ASPH: variants seen among roughly 807,000 people sequenced by gnomAD.
ASPH encodes aspartyl/asparaginyl beta-hydroxylase.
ASPH carries 100 observed loss-of-function variants against 118.4 expected under a neutral mutation model. The observed-to-expected ratio is 0.84, with a 90% CI of 0.72 to 1.00. ASPH has a LOEUF of 1.00. Ranked by LOEUF, ASPH falls within the 50% of genes least tolerant of loss-of-function variation. The pLI is 0.00. For synonymous variants in ASPH, 315 were observed against 325.6 expected, an observed-to-expected ratio of 0.97 and a Z score of 0.35; for missense variants, 920 against 919.5, an observed-to-expected ratio of 1.00 and a Z score of -0.01.
chr8:61,662,184 TAAC>T (rs1228132429), intron 3 of ASPH, among the ~76,000 whole-genome samples: 4 of 152,170 alleles, frequency 2.6e-5, no homozygotes, highest in Non-Finnish European at 4.4e-5. Flanking sequence ...GACTATCTCT[TAAC>T]AATGATTTTG....
At chr8:61,571,661 A>G (rs1360228395) in intron 16 of ASPH, among the ~76,000 whole-genome samples, 2 of 152,336 alleles carry the variant, frequency 1.3e-5, no homozygotes, top group South Asian at 2.1e-4. Flanking sequence ...CTGTAAATAT[A>G]ACAATCACAC....
chr8:61,668,399 T>C lies in ASPH; in HGVS notation c.322+12569A>G, dbSNP rs536450213. On this transcript the variant is annotated intron_variant, in intron 3 of 24. Transcript: ENST00000379454. Reference sequence around the variant, plus strand: ...AAATATGTTAAGTTAGTTAAATTCATCATTAAAAAATACTCCAATATCTCT... The same window carrying C: ...AAATATGTTAAGTTAGTTAAATTCACCATTAAAAAATACTCCAATATCTCT... 3 of 732,740 alleles carry C rather than the reference T, an allele frequency of 4.1e-6. No homozygotes were observed. The African/African-American group carries it at 5.5e-5, about 13-fold the overall frequency. The allele number at this position is 732,740 out of a possible 1,614,324, so 45.4% of individuals were successfully genotyped here.
chr8:61,510,861 A>G (rs1049615748), intron 24 of ASPH, among the ~76,000 whole-genome samples: 2 of 152,236 alleles, frequency 1.3e-5, no homozygotes, highest in African/African-American at 4.8e-5. Flanking sequence ...GGATAAGGTC[A>G]CACTGCAATG....
At chr8:61,558,815 G>C (rs1449838520) in intron 18 of ASPH, among the ~76,000 whole-genome samples, 1 of 152,172 alleles carries the variant, frequency 6.6e-6, no homozygotes, top group Non-Finnish European at 1.5e-5. Flanking sequence ...AAAAAACCCA[G>C]ATTGAGGCTA....
intron 1 of ASPH, among the ~76,000 whole-genome samples, chr8:61,702,949 G>C (rs1001746528): frequency 1.3e-5 from 2 of 152,106 alleles, no homozygotes; most frequent in African/African-American, 4.8e-5. Flanking sequence ...AGGGGGAGAG[G>C]ATAGGAGAGG....
chr8:61,504,608 G>A (rs1805712328), intron 24 of ASPH, among the ~76,000 whole-genome samples: 1 of 152,154 alleles, frequency 6.6e-6, no homozygotes, highest in African/African-American at 2.4e-5. Context: ...ATCATTCTCT[G>A]TTGTAGGGGC....
At chr8:61,612,101 C>T (rs949283712) in intron 14 of ASPH, among the ~76,000 whole-genome samples, 1 of 148,760 alleles carries the variant, frequency 6.7e-6, no homozygotes, top group Non-Finnish European at 1.5e-5. Flanking sequence ...TAGAAAAATA[C>T]TTCAAATTGT....
chr8:61,646,323 CA>C (rs984482498), intron 6 of ASPH, among the ~76,000 whole-genome samples: 1 of 151,800 alleles, frequency 6.6e-6, no homozygotes. Context: ...TGGCTATTTA[CA>C]AAAAAAAGTT....
chr8:61,708,408 T>C (rs992376258), intron 1 of ASPH, among the ~76,000 whole-genome samples: 1 of 152,198 alleles, frequency 6.6e-6, no homozygotes, highest in African/African-American at 2.4e-5. Context: ...TTGAGGTTTA[T>C]GTAAGTCAAA....
intron 14 of ASPH, among the ~76,000 whole-genome samples, chr8:61,603,191 CAAAAAAAAAAAAAAA>C (rs11336705): frequency 3.3e-5 from 2 of 61,348 alleles, no homozygotes; most frequent in Admixed American, 2.5e-4. Flanking sequence ...AGACTTGTCT[CAAAAAAAAAAAAAAA>C]AAAAAAAAAA....
intron 3 of ASPH, chr8:61,675,345 T>C: frequency 1.0e-6 from 1 of 960,428 alleles, no homozygotes; most frequent in Non-Finnish European, 1.2e-6. Context: ...TTAAAAAAAA[T>C]ACAAATTACT....
chr8:61,633,918 G>A (rs537323497), intron 12 of ASPH, among the ~76,000 whole-genome samples, 191 bp from the exon 13 acceptor site: 4 of 152,236 alleles, frequency 2.6e-5, no homozygotes, highest in Admixed American at 6.5e-5. Flanking sequence ...GCAAAATGTT[G>A]TGTATTTCTC....
chr8:61,672,359 G>T (rs1308502085), intron 3 of ASPH, among the ~76,000 whole-genome samples: 1 of 151,946 alleles, frequency 6.6e-6, no homozygotes. Flanking sequence ...TACATCCAGA[G>T]ACAGAGAAAA....
intron 1 of ASPH, among the ~76,000 whole-genome samples, chr8:61,688,140 G>T (rs957397170): frequency 3.9e-5 from 6 of 152,078 alleles, no homozygotes; most frequent in Non-Finnish European, 8.8e-5. Context: ...TCTGAAACCA[G>T]TATCTTGTTC....
intron 2 of ASPH, chr8:61,683,469 A>G: frequency 6.6e-6 from 1 of 152,194 alleles, no homozygotes; most frequent in Non-Finnish European, 1.5e-5. Context: ...CAGAAGGACC[A>G]CAGCAACTTC....
At chr8:61,548,257 T>A in intron 20 of ASPH, 49 bp from the exon 21 acceptor site, 1 of 1,519,484 alleles carries the variant, frequency 6.6e-7, no homozygotes, top group Non-Finnish European at 8.8e-7. Context: ...CAACAGAGCA[T>A]TTTTATTAAT....
intron 20 of ASPH, among the ~76,000 whole-genome samples, chr8:61,548,601 T>G (rs1824751062): frequency 6.6e-6 from 1 of 152,186 alleles, no homozygotes; most frequent in Non-Finnish European, 1.5e-5. Context: ...TTTTAATAAT[T>G]TCTTCAAAGA....
chr8:61,563,166 C>G (rs1175889473), intron 17 of ASPH, among the ~76,000 whole-genome samples: 1 of 145,820 alleles, frequency 6.9e-6, no homozygotes, highest in Non-Finnish European at 1.5e-5. Context: ...AATTCCTTCT[C>G]AAGAAAAACT....
chr8:61,596,382 T>C (rs1309735371), intron 14 of ASPH, among the ~76,000 whole-genome samples: 6 of 152,230 alleles, frequency 3.9e-5, no homozygotes, highest in Non-Finnish European at 7.3e-5. Flanking sequence ...ATACCACACA[T>C]GCTGCCTAGG....
Sources: gnomAD v4.1 joint callset for allele counts (sites outside exome capture counted in the v4.1 genomes callset) on GRCh38, gnomAD v4.1.1 for gene constraint, MANE v1.5 for transcripts, NCBI Gene and HGNC (gene_info 2026-07-23, HGNC 2026-07-21) for gene names.